Variants in TRPC5 observed in about 807,000 individuals in gnomAD.
TRPC5 encodes the protein transient receptor potential cation channel subfamily C member 5.
TRPC5 carries 9 observed loss-of-function variants against 56.5 expected under a neutral mutation model. The ratio of observed to expected loss-of-function variants is 0.16; its 90% CI spans 0.10 to 0.28. TRPC5 has a LOEUF of 0.28. Among genes scored for constraint, TRPC5 ranks in the 10% least tolerant of loss-of-function variants. The probability of loss-of-function intolerance (pLI) is 1.00; values close to 1 mark genes in which losing one functional copy is unlikely to be tolerated. For missense variants in TRPC5, 469 were observed against 748.9 expected, an observed-to-expected ratio of 0.63 and a Z score of 4.36; for synonymous variants, 282 against 278.5, an observed-to-expected ratio of 1.01 and a Z score of -0.13.
At chrX:111,796,344 A>G (rs181933390) in intron 7 of TRPC5, among the ~76,000 whole-genome samples, 3 of 111,662 alleles carry the variant, frequency 2.7e-5, no homozygotes, top group African/African-American at 6.5e-5. Flanking sequence ...TGGCTTCCTC[A>G]AGTACAGTTT....
intron 3 of TRPC5, among the ~76,000 whole-genome samples, chrX:111,868,617 A>T (rs948225139): frequency 1.8e-5 from 2 of 112,329 alleles, no homozygotes; most frequent in Non-Finnish European, 3.8e-5. Flanking sequence ...AAAAGAAATC[A>T]GCTGACTTTG....
At chrX:111,992,709 T>C (rs1477118672) in intron 1 of TRPC5, among the ~76,000 whole-genome samples, 1 of 108,924 alleles carries the variant, frequency 9.2e-6, no homozygotes, top group East Asian at 2.9e-4. Context: ...CTCAGGCAAT[T>C]CTCCTGCCTC....
chrX:111,854,280 A>C, intron 3 of TRPC5, among the ~76,000 whole-genome samples, 174 bp from the exon 4 acceptor site: 1 of 111,728 alleles, frequency 9.0e-6, no homozygotes, highest in Admixed American at 9.4e-5. Flanking sequence ...ACGGCTCTTC[A>C]TGTCAAACTA....
At chrX:112,010,618 C>T (rs993676214) in intron 1 of TRPC5, among the ~76,000 whole-genome samples, 1 of 110,662 alleles carries the variant, frequency 9.0e-6, no homozygotes, top group Non-Finnish European at 1.9e-5. Context: ...GTATCTAACA[C>T]ACAATATCAT....
intron 1 of TRPC5, among the ~76,000 whole-genome samples, chrX:112,010,486 G>A (rs1928963115): frequency 9.0e-6 from 1 of 111,230 alleles, no homozygotes; most frequent in African/African-American, 3.3e-5. Context: ...AAACCTAGAG[G>A]GTATAGCCTA....
intron 1 of TRPC5, among the ~76,000 whole-genome samples, chrX:111,998,185 C>T (rs1211981332): frequency 8.9e-6 from 1 of 111,946 alleles, no homozygotes; most frequent in African/African-American, 3.2e-5. Flanking sequence ...CAGAAATCAT[C>T]CATCTTCTGT....
At chrX:111,783,772 A>G (rs1475624656) in intron 7 of TRPC5, among the ~76,000 whole-genome samples, 1 of 111,187 alleles carries the variant, frequency 9.0e-6, no homozygotes, top group Non-Finnish European at 1.9e-5. Context: ...GAAAGTCAAA[A>G]TTATCATGTT....
At chrX:112,070,995 T>C (rs1930705487) in intron 1 of TRPC5, among the ~76,000 whole-genome samples, 1 of 111,390 alleles carries the variant, frequency 9.0e-6, no homozygotes, top group African/African-American at 3.3e-5. Context: ...TCCTGTGAAG[T>C]TGGGCTTGAT....
chrX:112,070,447 T>A (rs954088679), intron 1 of TRPC5, among the ~76,000 whole-genome samples: 2 of 111,273 alleles, frequency 1.8e-5, no homozygotes, highest in African/African-American at 6.5e-5. Context: ...TAGCCAGTGT[T>A]CCATCAAGTT....
intron 7 of TRPC5, among the ~76,000 whole-genome samples, chrX:111,825,021 G>A (rs751679269): frequency 9.0e-6 from 1 of 111,179 alleles, no homozygotes; most frequent in East Asian, 2.8e-4. Context: ...CTTCCTAAAC[G>A]TACCTCACAA....
chrX:112,021,912 C>T (rs1024842917), intron 1 of TRPC5, among the ~76,000 whole-genome samples: 2 of 112,224 alleles, frequency 1.8e-5, no homozygotes, highest in African/African-American at 3.2e-5. Flanking sequence ...GCTGAGAAAC[C>T]GAAAGTCTGT....
intron 3 of TRPC5, among the ~76,000 whole-genome samples, chrX:111,877,646 G>A (rs1924016910): frequency 9.0e-6 from 1 of 110,520 alleles, no homozygotes. Flanking sequence ...CATAGGAGTT[G>A]GTATAATAAT....
At chrX:111,963,513 A>G (rs1603119958) in intron 1 of TRPC5, among the ~76,000 whole-genome samples, 1 of 112,166 alleles carries the variant, frequency 8.9e-6, no homozygotes, top group South Asian at 3.7e-4. Flanking sequence ...TCTGAGAACG[A>G]GCAGACTGCC....
intron 7 of TRPC5, among the ~76,000 whole-genome samples, chrX:111,812,115 GTT>G (rs59613500): frequency 4.9e-5 from 5 of 102,539 alleles, no homozygotes; most frequent in African/African-American, 1.1e-4. Flanking sequence ...AATGCCGGTG[GTT>G]TTTTTTTTTT....
intron 2 of TRPC5, among the ~76,000 whole-genome samples, chrX:111,924,014 A>C (rs192288787): frequency 9.0e-6 from 1 of 111,492 alleles, no homozygotes; most frequent in African/African-American, 3.3e-5. Flanking sequence ...TTTCTCTTGT[A>C]GATTGCTGTC....
chrX:111,834,902 G>A lies in TRPC5; in HGVS notation c.1896+19C>T, dbSNP rs746575348. On this transcript the variant is annotated intron_variant, in intron 7 of 10. Coordinates refer to ENST00000262839, the MANE Select transcript of TRPC5 (RefSeq NM_012471.3). ...ACCTGAAACCAAAGTAAGCACGCTT[G>A]TAAAGCAAAGCTACTCACGGCAATA... 64 of 1,173,460 alleles carry A rather than the reference G, an allele frequency of 5.5e-5. No individual in the cohort carries two copies. In the South Asian group the frequency reaches 1.2e-3, roughly 21 times the overall value.
At chrX:112,011,481 G>T (rs774115576) in intron 1 of TRPC5, among the ~76,000 whole-genome samples, 2 of 111,858 alleles carry the variant, frequency 1.8e-5, no homozygotes, top group Non-Finnish European at 1.9e-5. Flanking sequence ...GCCTGTTCCC[G>T]TTGGAGGCTC....
At chrX:112,062,282 G>T (rs1930476489) in intron 1 of TRPC5, among the ~76,000 whole-genome samples, 2 of 111,947 alleles carry the variant, frequency 1.8e-5, no homozygotes, top group African/African-American at 6.5e-5. Context: ...AGAGTAAGGG[G>T]TGAGGGAAGA....
intron 7 of TRPC5, among the ~76,000 whole-genome samples, chrX:111,811,563 G>A (rs1256877486): frequency 8.9e-6 from 1 of 111,755 alleles, no homozygotes; most frequent in Admixed American, 9.5e-5. Flanking sequence ...ATATTGAGAA[G>A]CAGCATGCCA....
Sources: allele counts gnomAD v4.1 joint callset (sites outside exome capture counted in the v4.1 genomes callset), GRCh38; gene constraint gnomAD v4.1.1; transcripts MANE v1.5; gene names NCBI Gene and HGNC (gene_info 2026-07-23, HGNC 2026-07-21).